Variants in RBKS observed in about 807,000 individuals in gnomAD.
RBKS encodes ribokinase.
RBKS carries 33 observed loss-of-function variants against 33.9 expected under a neutral mutation model. That is an observed-to-expected ratio of 0.97 (90% confidence interval 0.74 to 1.30). The LOEUF (loss-of-function observed/expected upper bound fraction) is 1.30. Among genes scored for constraint, RBKS ranks in the 50% most tolerant of loss-of-function variants. The pLI is 0.00. For synonymous variants in RBKS, 125 were observed against 143.0 expected, an observed-to-expected ratio of 0.87 and a Z score of 0.90; for missense variants, 361 against 392.6, an observed-to-expected ratio of 0.92 and a Z score of 0.68.
chr2:27,783,703 C>G (rs1020175341), intron 7 of RBKS, among the ~76,000 whole-genome samples: 1 of 151,814 alleles, frequency 6.6e-6, no homozygotes, highest in African/African-American at 2.4e-5. Flanking sequence ...GTCAGGAGAT[C>G]GAGACCATCC....
chr2:27,820,029 T>C (rs1678167818), intron 7 of RBKS, among the ~76,000 whole-genome samples: 2 of 152,314 alleles, frequency 1.3e-5, no homozygotes, highest in East Asian at 3.9e-4. Context: ...TCGGCCCAGT[T>C]ACATGAAGAT....
chr2:27,848,734 C>T (rs917403674), intron 2 of RBKS, among the ~76,000 whole-genome samples: 4 of 150,870 alleles, frequency 2.7e-5, no homozygotes, highest in African/African-American at 9.7e-5. Flanking sequence ...CCCAGCTACT[C>T]GGGAGGCTGA....
chr2:27,862,408 G>T (rs1399068026), intron 1 of RBKS, among the ~76,000 whole-genome samples: 1 of 152,090 alleles, frequency 6.6e-6, no homozygotes, highest in African/African-American at 2.4e-5. Flanking sequence ...AAATACATAC[G>T]ACAAGAATAT....
chr2:27,842,997 T>A (rs1663542011), intron 5 of RBKS, 70 bp downstream of exon 5: 2 of 1,223,884 alleles, frequency 1.6e-6, no homozygotes, highest in Non-Finnish European at 2.2e-6. Flanking sequence ...TTGCTTAACT[T>A]AAAAGGTTAA....
intron 1 of RBKS, among the ~76,000 whole-genome samples, chr2:27,881,866 G>A (rs566862776): frequency 2.6e-5 from 4 of 152,240 alleles, no homozygotes; most frequent in Admixed American, 2.0e-4. Flanking sequence ...GGCTAGGCAC[G>A]TGCAGAAGAC....
chr2:27,829,240 T>C (rs56066810), intron 6 of RBKS, among the ~76,000 whole-genome samples: 9,823 of 151,664 alleles, frequency 0.065, 699 homozygotes, highest in African/African-American at 0.18. Flanking sequence ...CATCTGTAGG[T>C]TGTTGATTGT....
At chr2:27,787,391 T>C (rs1353449687) in intron 7 of RBKS, among the ~76,000 whole-genome samples, 2 of 152,052 alleles carry the variant, frequency 1.3e-5, no homozygotes, top group Non-Finnish European at 2.9e-5. Flanking sequence ...CGTGATCATG[T>C]CACTGCACTC....
At chr2:27,888,613 AG>A (rs1664604121) in intron 1 of RBKS, among the ~76,000 whole-genome samples, 2 of 152,210 alleles carry the variant, frequency 1.3e-5, no homozygotes, top group Non-Finnish European at 2.9e-5. Flanking sequence ...TACAAAATTT[AG>A]TAAGTACCAT....
At chr2:27,855,910 T>C (rs1338896471) in intron 2 of RBKS, among the ~76,000 whole-genome samples, 1 of 152,176 alleles carries the variant, frequency 6.6e-6, no homozygotes, top group Non-Finnish European at 1.5e-5. Context: ...ATAGAAAATT[T>C]TTACCTGTTT....
intron 1 of RBKS, among the ~76,000 whole-genome samples, chr2:27,873,051 G>C (rs914636263): frequency 6.6e-6 from 1 of 152,146 alleles, no homozygotes; most frequent in Non-Finnish European, 1.5e-5. Flanking sequence ...TAATGATGGA[G>C]CACTGGGGTA....
At chr2:27,794,142 A>C (rs1173610669) in intron 7 of RBKS, among the ~76,000 whole-genome samples, 1 of 151,712 alleles carries the variant, frequency 6.6e-6, no homozygotes, top group Non-Finnish European at 1.5e-5. Flanking sequence ...TCTACCAAAT[A>C]CAAAATTAGC....
At chr2:27,851,814 C>T (rs1663751540) in intron 2 of RBKS, among the ~76,000 whole-genome samples, 1 of 152,176 alleles carries the variant, frequency 6.6e-6, no homozygotes, top group African/African-American at 2.4e-5. Flanking sequence ...GCTGGGATTA[C>T]AGGCGTGAGC....
At chr2:27,829,635 G>A (rs1678383363) in intron 6 of RBKS, among the ~76,000 whole-genome samples, 1 of 152,174 alleles carries the variant, frequency 6.6e-6, no homozygotes, top group African/African-American at 2.4e-5. Flanking sequence ...CCAAAGTGCT[G>A]GGATTACAGG....
Position 27,810,775 on chromosome 2 carries a change from C to G in RBKS, c.795+16792G>C, listed in dbSNP as rs750343442. Among the ~76,000 whole-genome samples, 7 of 152,148 alleles carry G rather than the reference C, an allele frequency of 4.6e-5. No individual in the cohort carries two copies. In the South Asian group the frequency reaches 6.2e-4, roughly 14 times the overall value. On this transcript the variant is annotated intron_variant, in intron 7 of 7. Transcript: ENST00000302188. This position sits in a 1 kb window ranked among gnomAD's most constrained non-coding sequence, Gnocchi z 4.4. ...CATCCCCATTTCCACTTCCCTAGTC[C>G]AGGCTGCCACCATCTCTCACCCAGA...
chr2:27,811,096 G>C (rs1279016119), intron 7 of RBKS, among the ~76,000 whole-genome samples: 1 of 152,166 alleles, frequency 6.6e-6, no homozygotes, highest in African/African-American at 2.4e-5. Context: ...CCCTTTAGCT[G>C]CTTCATGAGC....
Position 27,783,832 on chromosome 2 carries a change from G to A in RBKS, c.796-2044C>T, listed in dbSNP as rs544991367. 1.2e-3 allele frequency among the ~76,000 whole-genome samples: 178 copies of A among 149,036 alleles called. 1 individual carries two copies. Among genetic ancestry groups the A allele is most frequent in the African/African-American group, 4.1e-3 (165 of 40,498 alleles). ...TGAGGCAGGAGAATGGCCTGAACCCGGGAGGTGGAGCTTGCAGTGAGCTGA... is the reference window on the plus strand; with the variant it reads ...TGAGGCAGGAGAATGGCCTGAACCCAGGAGGTGGAGCTTGCAGTGAGCTGA... On this transcript the variant is annotated intron_variant, in intron 7 of 7. Coordinates refer to ENST00000302188, the MANE Select transcript of RBKS (RefSeq NM_022128.3).
At chr2:27,809,799 C>CAGATT (rs1677958817) in intron 7 of RBKS, 1 of 487,196 alleles carries the variant, frequency 2.1e-6, no homozygotes, top group African/African-American at 2.0e-5. Context: ...ACAGAGCTAC[C>CAGATT]AGATTATTAA....
At chr2:27,835,625 A>G (rs1573054983) in intron 5 of RBKS, among the ~76,000 whole-genome samples, 1 of 138,634 alleles carries the variant, frequency 7.2e-6, no homozygotes, top group African/African-American at 2.7e-5. Context: ...AGGTTTTGCC[A>G]TGTTGCCTAG....
intron 2 of RBKS, among the ~76,000 whole-genome samples, chr2:27,848,731 A>G (rs1169406920): frequency 6.6e-6 from 1 of 151,748 alleles, no homozygotes; most frequent in Non-Finnish European, 1.5e-5. Context: ...AGTCCCAGCT[A>G]CTCGGGAGGC....
Sources: gnomAD v4.1 joint callset for allele counts (sites outside exome capture counted in the v4.1 genomes callset) on GRCh38, gnomAD v4.1.1 for gene constraint, Gnocchi (gnomAD v3.1) non-coding constraint, MANE v1.5 for transcripts, NCBI Gene and HGNC (gene_info 2026-07-23, HGNC 2026-07-21) for gene names.